The following BMPR1B variants were observed in gnomAD, a reference collection of about 807,000 sequenced individuals.
BMPR1B encodes bone morphogenetic protein receptor type-1B.
A neutral mutation model predicts 59.1 loss-of-function variants in BMPR1B; 12 were observed. That is an observed-to-expected ratio of 0.20 (90% CI 0.13 to 0.33). The LOEUF is 0.33. BMPR1B is among the 10% of genes least tolerant of loss of function. BMPR1B has a pLI of 1.00. For missense variants in BMPR1B, 550 were observed against 610.9 expected, an observed-to-expected ratio of 0.90 and a Z score of 1.05; for synonymous variants, 237 against 207.3, an observed-to-expected ratio of 1.14 and a Z score of -1.23.
chr4:95,066,414 G>C (rs552429189), intron 3 of BMPR1B, among the ~76,000 whole-genome samples: 2 of 152,214 alleles, frequency 1.3e-5, no homozygotes, highest in Non-Finnish European at 2.9e-5. Flanking sequence ...CTTGAGGTTT[G>C]TTTGTTGTGG....
chr4:95,035,124 G>C (rs577578872), intron 3 of BMPR1B, among the ~76,000 whole-genome samples: 1 of 151,868 alleles, frequency 6.6e-6, no homozygotes, highest in African/African-American at 2.4e-5. Context: ...CTTTTCAATG[G>C]GATTATTTGT....
At chr4:95,020,195 T>C (rs1218309328) in intron 3 of BMPR1B, among the ~76,000 whole-genome samples, 1 of 152,148 alleles carries the variant, frequency 6.6e-6, no homozygotes, top group Non-Finnish European at 1.5e-5. Context: ...TTTTTTATTT[T>C]TACTGCTAGG....
chr4:94,983,135 G>A (rs922268335), intron 2 of BMPR1B, among the ~76,000 whole-genome samples: 1 of 152,092 alleles, frequency 6.6e-6, no homozygotes, highest in Non-Finnish European at 1.5e-5. Context: ...CACCATTCAG[G>A]TGTCAGCTCC....
At chr4:95,107,245 T>G (rs1731256531) in intron 4 of BMPR1B, among the ~76,000 whole-genome samples, 1 of 152,058 alleles carries the variant, frequency 6.6e-6, no homozygotes, top group Admixed American at 6.6e-5. Flanking sequence ...GAAGCCAGGT[T>G]TACTTAGAGA....
intron 1 of BMPR1B, among the ~76,000 whole-genome samples, chr4:94,791,405 G>A (rs1192479223): frequency 6.6e-6 from 1 of 152,004 alleles, no homozygotes; most frequent in Non-Finnish European, 1.5e-5. Flanking sequence ...TTTTAATAGT[G>A]TTTTAACTTT....
At chr4:95,111,126 A>C (rs1731600448) in intron 4 of BMPR1B, among the ~76,000 whole-genome samples, 2 of 152,268 alleles carry the variant, frequency 1.3e-5, no homozygotes, top group South Asian at 4.1e-4. Flanking sequence ...GAAAACTGTT[A>C]ATCTTTCCAG....
intron 6 of BMPR1B, among the ~76,000 whole-genome samples, chr4:95,120,355 A>G (rs1166644308): frequency 6.6e-6 from 1 of 152,206 alleles, no homozygotes; most frequent in Non-Finnish European, 1.5e-5. Context: ...TTTTTGGCAT[A>G]TTCCTTTGGA....
chr4:95,089,588 G>A (rs892916229), intron 3 of BMPR1B, among the ~76,000 whole-genome samples: 6 of 152,082 alleles, frequency 3.9e-5, no homozygotes, highest in African/African-American at 1.2e-4. Context: ...AGAATGTTTT[G>A]AAAACTGAAG....
chr4:95,158,346 G>T lies in BMPR1B; in HGVS notation c.*3673G>T, dbSNP rs934429465. The T allele has an allele frequency of 6.6e-6, 1 of 152,094 alleles. No homozygotes were observed. Among genetic ancestry groups the T allele is most frequent in the Admixed American group, 6.5e-5 (1 of 15,274 alleles). 9.4% of individuals were successfully genotyped at this position (152,094 alleles called of 1,614,324 possible). ...TTTTGTATATACTGTAATTATTCAG[G>T]ACTAGGGAACAAACAATTGTATTGT... is the stretch of plus-strand genomic sequence containing the variant. On this transcript the variant is annotated 3_prime_UTR_variant, in exon 13 of 13. Coordinates refer to ENST00000515059, the MANE Select transcript of BMPR1B (RefSeq NM_001203.3).
At chr4:94,861,187 C>G (rs140319702) in intron 1 of BMPR1B, among the ~76,000 whole-genome samples, 1 of 152,162 alleles carries the variant, frequency 6.6e-6, no homozygotes, top group Admixed American at 6.6e-5. Context: ...TGCTTGCTAG[C>G]TGGGTGACTG....
At chr4:94,840,419 C>G (rs1420505841) in intron 1 of BMPR1B, among the ~76,000 whole-genome samples, 1 of 147,738 alleles carries the variant, frequency 6.8e-6, no homozygotes, top group Non-Finnish European at 1.5e-5. Flanking sequence ...TAGATTTGGT[C>G]TTTTCACATA....
intron 2 of BMPR1B, among the ~76,000 whole-genome samples, chr4:94,904,366 A>T (rs1278255593): frequency 3.3e-5 from 5 of 152,032 alleles, no homozygotes; most frequent in African/African-American, 1.2e-4. Context: ...GCTAGATTTA[A>T]TGTTAATGTT....
chr4:94,821,091 C>T (rs1006644048), intron 1 of BMPR1B, among the ~76,000 whole-genome samples: 2 of 152,184 alleles, frequency 1.3e-5, no homozygotes, highest in Non-Finnish European at 2.9e-5. Context: ...TTCATGTTTA[C>T]ACATATATTT....
chr4:95,089,296 C>A (rs137886674), intron 3 of BMPR1B, among the ~76,000 whole-genome samples: 163 of 152,058 alleles, frequency 1.1e-3, no homozygotes, highest in African/African-American at 3.8e-3. Flanking sequence ...CATAGCATCC[C>A]AGATACAGGC....
intron 1 of BMPR1B, among the ~76,000 whole-genome samples, chr4:94,788,990 G>T (rs758813096): frequency 1.3e-5 from 2 of 152,166 alleles, no homozygotes; most frequent in South Asian, 4.1e-4. Context: ...CCTGGCCTTT[G>T]CCCATTTGCT....
At chr4:95,152,264 A>T (rs975961265) in intron 11 of BMPR1B, among the ~76,000 whole-genome samples, 3 of 152,202 alleles carry the variant, frequency 2.0e-5, no homozygotes, top group Non-Finnish European at 4.4e-5. Flanking sequence ...CTATAGTAAT[A>T]GAAACAGTCA....
chr4:95,079,092 G>T (rs1260443995), intron 3 of BMPR1B, among the ~76,000 whole-genome samples: 1 of 152,240 alleles, frequency 6.6e-6, no homozygotes, highest in South Asian at 2.1e-4. Flanking sequence ...AAAATTGTAT[G>T]TCAGAAGGAA....
At chr4:95,001,388 A>G (rs1333009475) in intron 3 of BMPR1B, among the ~76,000 whole-genome samples, 1 of 144,368 alleles carries the variant, frequency 6.9e-6, no homozygotes, top group African/African-American at 2.6e-5. Context: ...ATCAAGTGAG[A>G]TGGAGTACTC....
At chr4:94,775,631 G>A (rs1722336059) in intron 1 of BMPR1B, among the ~76,000 whole-genome samples, 1 of 152,202 alleles carries the variant, frequency 6.6e-6, no homozygotes, top group African/African-American at 2.4e-5. Flanking sequence ...CATTAGTGAA[G>A]CTTGAATAGA....
Sources: allele counts gnomAD v4.1 joint callset (sites outside exome capture counted in the v4.1 genomes callset), GRCh38; gene constraint gnomAD v4.1.1; transcripts MANE v1.5; gene names NCBI Gene and HGNC (gene_info 2026-07-23, HGNC 2026-07-21).